The following FAM184A variants were observed in gnomAD, a reference collection of about 807,000 sequenced individuals.
FAM184A encodes the protein family with sequence similarity 184 member A, also known as protein FAM184A.
FAM184A carries 99 observed loss-of-function variants against 143.8 expected under a neutral mutation model. The ratio of observed to expected loss-of-function variants is 0.69; its 90% CI spans 0.58 to 0.81. The LOEUF is 0.81. Among genes scored for constraint, FAM184A ranks in the 40% least tolerant of loss-of-function variants. FAM184A has a pLI of 0.00. For missense variants in FAM184A, 1,217 were observed against 1,310.5 expected, an observed-to-expected ratio of 0.93 and a Z score of 1.10; for synonymous variants, 427 against 446.4, an observed-to-expected ratio of 0.96 and a Z score of 0.55.
intron 1 of FAM184A, among the ~76,000 whole-genome samples, chr6:119,071,868 T>C (rs893454586): frequency 2.8e-4 from 40 of 144,790 alleles, no homozygotes; most frequent in African/African-American, 9.5e-4. Flanking sequence ...ATCTTTTTTT[T>C]TTTTTTTTTT....
intron 1 of FAM184A, among the ~76,000 whole-genome samples, chr6:119,110,547 A>T (rs1375515518): frequency 2.6e-5 from 4 of 152,022 alleles, no homozygotes; most frequent in Non-Finnish European, 4.4e-5. Flanking sequence ...AGTGAAAAGG[A>T]TATTGGATAG....
intron 1 of FAM184A, among the ~76,000 whole-genome samples, chr6:119,135,099 A>G (rs954187904): frequency 1.3e-5 from 2 of 152,252 alleles, no homozygotes; most frequent in Non-Finnish European, 2.9e-5. Flanking sequence ...TAAATAATAC[A>G]TAAATGGATA....
Position 119,024,322 on chromosome 6 carries a change from T to C in FAM184A, c.651A>G (p.Glu217=), listed in dbSNP as rs765224351. The C allele has an allele frequency of 1.9e-6, 3 of 1,614,060 alleles. No homozygotes were observed. Among genetic ancestry groups the C allele is most frequent in the Non-Finnish European group, 1.7e-6 (2 of 1,180,030 alleles). ...CCATTCTGTGTAGTTCCTCTGCCTTTTCCTGGCCTTTATTTACTGAGGCAC... is the reference window on the plus strand; with the variant it reads ...CCATTCTGTGTAGTTCCTCTGCCTTCTCCTGGCCTTTATTTACTGAGGCAC... ...DHSASVNKGQ[E]KAEELHRMEV... Residue 217 remains glutamate (E), a synonymous_variant, in exon 2 of 18, where the codon GAA becomes GAG. Transcript: ENST00000338891.
At chr6:119,026,149 G>T (rs1004226421) in intron 1 of FAM184A, among the ~76,000 whole-genome samples, 1 of 152,070 alleles carries the variant, frequency 6.6e-6, no homozygotes, top group East Asian at 1.9e-4. Flanking sequence ...TCATACCAAA[G>T]GTAAAAAGAT....
At chr6:119,115,776 A>AAAT (rs1378174912) in intron 1 of FAM184A, among the ~76,000 whole-genome samples, 2 of 150,554 alleles carry the variant, frequency 1.3e-5, no homozygotes, top group Non-Finnish European at 3.0e-5. Flanking sequence ...CAGCCTGACC[A>AAAT]ACATGGTGAA....
chr6:119,087,508 A>G (rs1183325737), intron 1 of FAM184A, among the ~76,000 whole-genome samples: 1 of 152,232 alleles, frequency 6.6e-6, no homozygotes, highest in Non-Finnish European at 1.5e-5. Context: ...ATCACTAATT[A>G]TAAATGCAAA....
At chr6:119,068,581 T>C (rs941601580) in intron 1 of FAM184A, among the ~76,000 whole-genome samples, 1 of 152,158 alleles carries the variant, frequency 6.6e-6, no homozygotes, top group African/African-American at 2.4e-5. Flanking sequence ...AAGGTGAACT[T>C]CAAATAAGGG....
intron 6 of FAM184A, among the ~76,000 whole-genome samples, chr6:119,009,979 C>G (rs894345403): frequency 1.3e-5 from 2 of 152,130 alleles, no homozygotes; most frequent in Non-Finnish European, 2.9e-5. Context: ...ACCCTAAATG[C>G]CTTCACTTTC....
chr6:119,079,457 G>A (rs1787997864), upstream of FAM184A, among the ~76,000 whole-genome samples: 1 of 152,200 alleles, frequency 6.6e-6, no homozygotes. Flanking sequence ...GCCAAAATGT[G>A]TCATAACTTG....
At chr6:118,989,801 CATTT>C (rs149164113) in intron 9 of FAM184A, among the ~76,000 whole-genome samples, 12,161 of 144,794 alleles carry the variant, frequency 0.084, 1,133 homozygotes, top group African/African-American at 0.23. Context: ...AGTATTTTTA[CATTT>C]ATTTATTTAT....
At chr6:119,013,970 G>C (rs1418152133) in intron 5 of FAM184A, among the ~76,000 whole-genome samples, 1 of 152,190 alleles carries the variant, frequency 6.6e-6, no homozygotes, top group African/African-American at 2.4e-5. Flanking sequence ...AAACTGTAAA[G>C]TACCATTAGT....
At chr6:119,125,969 A>G (rs1288251936) in intron 1 of FAM184A, among the ~76,000 whole-genome samples, 3 of 152,226 alleles carry the variant, frequency 2.0e-5, no homozygotes, top group African/African-American at 7.2e-5. Context: ...GCTTAAAACA[A>G]CAGCTTATTA....
intron 6 of FAM184A, among the ~76,000 whole-genome samples, chr6:119,009,171 AT>A (rs1785017139): frequency 1.3e-5 from 2 of 152,348 alleles, no homozygotes; most frequent in Admixed American, 6.5e-5. Flanking sequence ...AAGAGGCTAT[AT>A]AAAACAAAGT....
chr6:119,116,019 A>ACAC (rs1789052331), intron 1 of FAM184A, among the ~76,000 whole-genome samples: 2 of 151,066 alleles, frequency 1.3e-5, no homozygotes, highest in Non-Finnish European at 3.0e-5. Flanking sequence ...ACACACACAC[A>ACAC]ACGAGAGAGA....
intron 9 of FAM184A, among the ~76,000 whole-genome samples, chr6:118,992,805 CT>C (rs1784420694): frequency 6.6e-6 from 1 of 152,130 alleles, no homozygotes; most frequent in Admixed American, 6.5e-5. Flanking sequence ...TGGCATGTAC[CT>C]GTAGTGCCAG....
chr6:119,055,948 G>A (rs1398976438), intron 1 of FAM184A, among the ~76,000 whole-genome samples: 1 of 152,086 alleles, frequency 6.6e-6, no homozygotes, highest in African/African-American at 2.4e-5. Context: ...CTTGATAACA[G>A]ATATGATAAA....
chr6:118,994,963 C>T (rs550878618), intron 9 of FAM184A, among the ~76,000 whole-genome samples: 1 of 152,074 alleles, frequency 6.6e-6, no homozygotes, highest in Non-Finnish European at 1.5e-5. Flanking sequence ...TGTTATTGCT[C>T]GACTTTCAAT....
intron 1 of FAM184A, among the ~76,000 whole-genome samples, chr6:119,039,385 C>T (rs879878620): frequency 8.5e-5 from 13 of 152,144 alleles, no homozygotes; most frequent in East Asian, 1.9e-4. Context: ...AAAAGTAAGG[C>T]GTCCTTCAGT....
chr6:119,109,496 C>G (rs886547161), intron 1 of FAM184A, among the ~76,000 whole-genome samples: 3 of 152,172 alleles, frequency 2.0e-5, no homozygotes, highest in Non-Finnish European at 4.4e-5. Context: ...CTCTCTGTCT[C>G]TCTCTCAGAT....
Sources: gnomAD v4.1 joint callset for allele counts (sites outside exome capture counted in the v4.1 genomes callset) on GRCh38, gnomAD v4.1.1 for gene constraint, MANE v1.5 for transcripts, NCBI Gene and HGNC (gene_info 2026-07-23, HGNC 2026-07-21) for gene names.